The following DAB1 variants were observed in gnomAD, a reference collection of about 807,000 sequenced individuals.
DAB1 encodes disabled homolog 1.
Under a neutral mutation model 64.6 loss-of-function variants are expected in DAB1, and 15 were observed. The ratio of observed to expected loss-of-function variants is 0.23; its 90% CI spans 0.16 to 0.36. The LOEUF is 0.36. Among genes scored for constraint, DAB1 ranks in the 10% least tolerant of loss-of-function variants. The pLI is 1.00. For missense variants in DAB1, 596 were observed against 706.7 expected, an observed-to-expected ratio of 0.84 and a Z score of 1.78; for synonymous variants, 235 against 251.9, an observed-to-expected ratio of 0.93 and a Z score of 0.64.
chr1:57,499,210 G>T (rs573578964), intron 7 of DAB1, among the ~76,000 whole-genome samples: 1 of 152,114 alleles, frequency 6.6e-6, no homozygotes. Flanking sequence ...TCCTGACCTC[G>T]TGATCCGCCT....
At chr1:57,238,852 CACACACAT>C (rs1200633906) in intron 2 of DAB1, among the ~76,000 whole-genome samples, 3 of 141,562 alleles carry the variant, frequency 2.1e-5, no homozygotes, top group Admixed American at 7.1e-5. Context: ...CACACACACA[CACACACAT>C]ACACACACAC....
At chr1:58,239,762 C>T (rs1318128206) in intron 4 of DAB1, among the ~76,000 whole-genome samples, 2 of 152,146 alleles carry the variant, frequency 1.3e-5, no homozygotes, top group Admixed American at 1.3e-4. Context: ...CACACCTGAA[C>T]CTCTCAGAGC....
intron 1 of DAB1, among the ~76,000 whole-genome samples, chr1:57,351,089 A>AAG (rs1250028167): frequency 2.6e-5 from 4 of 152,178 alleles, no homozygotes; most frequent in Non-Finnish European, 4.4e-5. Context: ...TAATGTTATG[A>AAG]AGAGATGCAC....
intron 14 of DAB1, among the ~76,000 whole-genome samples, chr1:57,001,023 T>C (rs1645840937): frequency 6.6e-6 from 1 of 152,156 alleles, no homozygotes; most frequent in East Asian, 1.9e-4. Context: ...TTATCCCCAC[T>C]AATGAAGGGG....
At chr1:57,933,825 G>A (rs893084988) in intron 5 of DAB1, among the ~76,000 whole-genome samples, 17 of 151,900 alleles carry the variant, frequency 1.1e-4, no homozygotes, top group African/African-American at 2.4e-4. Flanking sequence ...CAGTTGTACC[G>A]TTTTATACTA....
chr1:57,048,579 C>T (rs1033983202), intron 9 of DAB1, among the ~76,000 whole-genome samples: 30 of 152,182 alleles, frequency 2.0e-4, no homozygotes, highest in African/African-American at 6.5e-4. Flanking sequence ...CACGTAATAA[C>T]GAGTGGATTA....
chr1:57,858,721 C>T (rs1653870443), intron 1 of DAB1, among the ~76,000 whole-genome samples: 1 of 150,970 alleles, frequency 6.6e-6, no homozygotes, highest in South Asian at 2.1e-4. Flanking sequence ...CTCTTTGCTT[C>T]CAGCAACTCC....
intron 1 of DAB1, among the ~76,000 whole-genome samples, chr1:57,842,624 C>T (rs1212329832): frequency 6.6e-6 from 1 of 152,160 alleles, no homozygotes; most frequent in South Asian, 2.1e-4. Flanking sequence ...AGGCAAGAAC[C>T]TTCTTCACAT....
Position 56,995,420 on chromosome 1 carries a change from A to G in DAB1, c.*2724T>C, listed in dbSNP as rs1329475347. ...CTTGGAAAAAAATCAGAATTCTGCC[A>G]ATGAGAATATGGATGGCAGTTGAAA... On this transcript the variant is annotated 3_prime_UTR_variant, in exon 15 of 15. Coordinates refer to ENST00000371236, the MANE Select transcript of DAB1 (RefSeq NM_001365792.1). 6.6e-6 allele frequency: 1 copy of G among 152,226 alleles called. No individual in the cohort carries two copies. The highest frequency in any genetic ancestry group is 1.5e-5 in the Non-Finnish European group (1 of 68,034). The allele number at this position is 152,226 out of a possible 1,614,324, so 9.4% of individuals were successfully genotyped here.
At chr1:58,025,685 ATG>A (rs1553153775) in intron 5 of DAB1, among the ~76,000 whole-genome samples, 4 of 132,962 alleles carry the variant, frequency 3.0e-5, no homozygotes, top group African/African-American at 1.1e-4. Flanking sequence ...ATATATATAT[ATG>A]GCCTTTAATC....
At chr1:57,031,172 A>G (rs1249866677) in intron 9 of DAB1, among the ~76,000 whole-genome samples, 1 of 152,214 alleles carries the variant, frequency 6.6e-6, no homozygotes, top group Admixed American at 6.5e-5. Context: ...ATTTCATTCC[A>G]TTGGTTTGCT....
At chr1:58,036,485 G>T (rs948636037) in intron 5 of DAB1, among the ~76,000 whole-genome samples, 4 of 152,118 alleles carry the variant, frequency 2.6e-5, no homozygotes, top group African/African-American at 4.8e-5. Flanking sequence ...TCTTATAGTC[G>T]CCACTAAATG....
At chr1:57,786,711 G>A (rs115526600) in intron 6 of DAB1, among the ~76,000 whole-genome samples, 3,351 of 152,142 alleles carry the variant, frequency 0.022, 126 homozygotes, top group African/African-American at 0.078. Context: ...GTAGAGTGAG[G>A]CTTCAAACCC....
chr1:58,483,742 G>C (rs999073618), intron 3 of DAB1, among the ~76,000 whole-genome samples: 2 of 152,230 alleles, frequency 1.3e-5, no homozygotes, highest in Non-Finnish European at 2.9e-5. Flanking sequence ...AGAATGAAAT[G>C]AGATGCTAGC....
At chr1:58,257,515 G>T (rs1414254039) in intron 4 of DAB1, among the ~76,000 whole-genome samples, 3 of 152,092 alleles carry the variant, frequency 2.0e-5, no homozygotes, top group Non-Finnish European at 4.4e-5. Flanking sequence ...TGGTCAAAAG[G>T]GCTACTCTCC....
intron 2 of DAB1, among the ~76,000 whole-genome samples, chr1:57,165,505 C>T (rs1406863497): frequency 1.3e-5 from 2 of 152,176 alleles, no homozygotes; most frequent in Non-Finnish European, 2.9e-5. Context: ...ATTTTGTGAG[C>T]ATCTTTTATG....
intron 14 of DAB1, among the ~76,000 whole-genome samples, chr1:56,999,763 C>T (rs952156142): frequency 1.3e-5 from 2 of 152,158 alleles, no homozygotes; most frequent in African/African-American, 4.8e-5. Context: ...GAGTAGACCC[C>T]AAGACTCCTG....
intron 3 of DAB1, among the ~76,000 whole-genome samples, chr1:58,387,990 G>A (rs1321839591): frequency 6.6e-6 from 1 of 152,122 alleles, no homozygotes; most frequent in Non-Finnish European, 1.5e-5. Flanking sequence ...GCTTCCCAAA[G>A]TGCTGGGATT....
At chr1:58,380,357 T>G (rs1196547368) in intron 3 of DAB1, among the ~76,000 whole-genome samples, 1 of 152,196 alleles carries the variant, frequency 6.6e-6, no homozygotes, top group Non-Finnish European at 1.5e-5. Context: ...TGCTTTCCCA[T>G]TCACCTTCCA....
Sources: allele counts gnomAD v4.1 joint callset (sites outside exome capture counted in the v4.1 genomes callset), GRCh38; gene constraint gnomAD v4.1.1; transcripts MANE v1.5; gene names NCBI Gene and HGNC (gene_info 2026-07-23, HGNC 2026-07-21).